Variants in CDH13 observed in about 807,000 individuals in gnomAD.
The protein encoded by CDH13 is cadherin 13.
In CDH13, 24 loss-of-function variants were observed where a neutral mutation model predicts 63.8. The observed-to-expected ratio is 0.38, with a 90% CI of 0.27 to 0.53. The LOEUF is 0.53. Among genes scored for constraint, CDH13 ranks in the 20% least tolerant of loss-of-function variants. The pLI, the probability that CDH13 is intolerant of heterozygous loss-of-function variation, is 0.85. For synonymous variants in CDH13, 503 were observed against 355.3 expected, an observed-to-expected ratio of 1.42 and a Z score of -4.67; for missense variants, 1,049 against 903.1, an observed-to-expected ratio of 1.16 and a Z score of -2.07.
intron 8 of CDH13, among the ~76,000 whole-genome samples, chr16:83,663,872 G>A (rs943992499): frequency 6.6e-6 from 1 of 152,032 alleles, no homozygotes; most frequent in African/African-American, 2.4e-5. Flanking sequence ...GATAAAGAGA[G>A]GAGAAGGCTG....
intron 3 of CDH13, among the ~76,000 whole-genome samples, chr16:83,079,264 A>T (rs1271111051): frequency 1.3e-5 from 2 of 152,222 alleles, no homozygotes; most frequent in Non-Finnish European, 2.9e-5. Context: ...GCTTTAGAAT[A>T]TTCCATTGTA....
At chr16:82,755,695 C>G (rs886364067) in intron 1 of CDH13, among the ~76,000 whole-genome samples, 3 of 152,194 alleles carry the variant, frequency 2.0e-5, no homozygotes, top group Non-Finnish European at 4.4e-5. Context: ...AAATCACTGA[C>G]GTCAAGGTCT....
intron 7 of CDH13, among the ~76,000 whole-genome samples, chr16:83,589,277 T>TGC (rs1246153774): frequency 3.3e-5 from 1 of 30,724 alleles, no homozygotes; most frequent in Non-Finnish European, 8.2e-5. Flanking sequence ...CTTTCTCCCT[T>TGC]TCCCCCCCCC....
intron 2 of CDH13, among the ~76,000 whole-genome samples, chr16:82,882,410 C>T (rs116492805): frequency 5.1e-4 from 77 of 152,276 alleles, no homozygotes; most frequent in African/African-American, 1.8e-3. Flanking sequence ...TCTCCAACTC[C>T]GCTGCCAATG....
chr16:83,699,138 T>C (rs1467418212), intron 10 of CDH13, among the ~76,000 whole-genome samples: 1 of 152,218 alleles, frequency 6.6e-6, no homozygotes, highest in African/African-American at 2.4e-5. Flanking sequence ...AATGCATGAC[T>C]TATAAGACAT....
intron 8 of CDH13, among the ~76,000 whole-genome samples, chr16:83,653,662 T>A (rs1443619575): frequency 6.6e-6 from 1 of 152,184 alleles, no homozygotes; most frequent in Non-Finnish European, 1.5e-5. Flanking sequence ...AAATGAAGAA[T>A]CAATCTGTTG....
intron 1 of CDH13, among the ~76,000 whole-genome samples, chr16:82,783,730 G>A (rs1055065567): frequency 6.6e-6 from 1 of 152,124 alleles, no homozygotes; most frequent in African/African-American, 2.4e-5. Context: ...CCCTTCCGAG[G>A]CAAGGGCTTC....
chr16:83,698,711 TCTTA>T (rs921668340), intron 10 of CDH13, among the ~76,000 whole-genome samples: 4 of 152,328 alleles, frequency 2.6e-5, no homozygotes, highest in Middle Eastern at 6.8e-3. Context: ...ACCCCAACCT[TCTTA>T]CTTCAGTCCA....
chr16:83,459,689 G>A (rs1552557), intron 6 of CDH13, among the ~76,000 whole-genome samples: 65,755 of 152,018 alleles, frequency 0.43, 14,429 homozygotes, highest in Middle Eastern at 0.54. Flanking sequence ...AAATGCTAAA[G>A]GTAAAACCTG....
chr16:83,308,400 G>T (rs2089926756), intron 5 of CDH13, among the ~76,000 whole-genome samples: 1 of 152,302 alleles, frequency 6.6e-6, no homozygotes, highest in South Asian at 2.1e-4. Flanking sequence ...GATTTTCCTG[G>T]TGAGATTTCA....
At chr16:83,487,701 C>T (rs2073921950) in intron 7 of CDH13, among the ~76,000 whole-genome samples, 3 of 150,510 alleles carry the variant, frequency 2.0e-5, no homozygotes, top group Admixed American at 2.0e-4. Flanking sequence ...AGGCGTGGGG[C>T]CTTGGAGTTG....
At chr16:83,183,784 G>A (rs2038422920) in intron 4 of CDH13, among the ~76,000 whole-genome samples, 1 of 152,114 alleles carries the variant, frequency 6.6e-6, no homozygotes, top group Non-Finnish European at 1.5e-5. Context: ...GAGCTGGAAG[G>A]GATCCAAGGC....
At position 83,697,894 on chromosome 16, in the gene CDH13, C is replaced by T. The variant is rs144928038; in HGVS notation, c.1538+19433C>T. On this transcript the variant is annotated intron_variant, in intron 10 of 13. Transcript: ENST00000567109. ...ACTCCTGGCCTCAAGTGGTCTGCCC[C>T]GCCTCGGCCTCCCAAATTGCTGGGA... is the stretch of plus-strand genomic sequence containing the variant. Among the ~76,000 whole-genome samples the T allele has an allele frequency of 3.1e-3, 467 of 152,312 alleles. 4 individuals carry two copies. Among genetic ancestry groups the T allele is most frequent in the African/African-American group, 0.011 (450 of 41,570 alleles).
chr16:83,426,549 G>A (rs958881748), intron 6 of CDH13, among the ~76,000 whole-genome samples: 2 of 122,754 alleles, frequency 1.6e-5, no homozygotes, highest in Non-Finnish European at 3.8e-5. Flanking sequence ...ACACACTCAT[G>A]TGGTTACCTT....
chr16:83,115,648 C>T (rs1396232140), intron 3 of CDH13, among the ~76,000 whole-genome samples: 1 of 152,230 alleles, frequency 6.6e-6, no homozygotes, highest in Non-Finnish European at 1.5e-5. Context: ...ATGAGTCTCA[C>T]CTTTCACTGT....
chr16:83,546,964 G>A (rs1403569280), intron 7 of CDH13, among the ~76,000 whole-genome samples: 1 of 152,168 alleles, frequency 6.6e-6, no homozygotes, highest in Non-Finnish European at 1.5e-5. Flanking sequence ...CGGACCGGAA[G>A]GGACACCTCC....
chr16:82,929,493 T>A (rs1597233646), intron 2 of CDH13, among the ~76,000 whole-genome samples: 1 of 150,110 alleles, frequency 6.7e-6, no homozygotes. Flanking sequence ...CTACTAAAAA[T>A]ACAAAAAAAT....
At chr16:83,247,348 T>C (rs1351452857) in intron 5 of CDH13, among the ~76,000 whole-genome samples, 1 of 152,248 alleles carries the variant, frequency 6.6e-6, no homozygotes, top group Non-Finnish European at 1.5e-5. Context: ...AGTGGCTGAG[T>C]TGCAAAGAGC....
chr16:82,980,714 C>T (rs560284688), intron 2 of CDH13, among the ~76,000 whole-genome samples: 2 of 152,250 alleles, frequency 1.3e-5, no homozygotes, highest in South Asian at 4.2e-4. Context: ...AGAGTCAGAG[C>T]CCTCAAACTG....
Sources: gnomAD v4.1 joint callset for allele counts (sites outside exome capture counted in the v4.1 genomes callset) on GRCh38, gnomAD v4.1.1 for gene constraint, MANE v1.5 for transcripts, NCBI Gene and HGNC (gene_info 2026-07-23, HGNC 2026-07-21) for gene names.